GPC5: variants seen among roughly 807,000 people sequenced by gnomAD.
GPC5 encodes the protein glypican 5, also known as glypican-5.
A neutral mutation model predicts 53.9 loss-of-function variants in GPC5; 47 were observed. The observed-to-expected ratio is 0.87, with a 90% CI of 0.69 to 1.11. GPC5 has a LOEUF of 1.11. Among genes scored for constraint, GPC5 ranks in the 50% most tolerant of loss-of-function variants. The pLI, the probability that GPC5 is intolerant of heterozygous loss-of-function variation, is 0.00. For synonymous variants in GPC5, 286 were observed against 263.3 expected (o/e 1.09, Z -0.84); for missense variants, 748 against 713.1 (o/e 1.05, Z -0.56).
intron 7 of GPC5, among the ~76,000 whole-genome samples, chr13:92,673,492 C>A (rs1288991461): frequency 6.6e-6 from 1 of 152,022 alleles, no homozygotes; most frequent in East Asian, 1.9e-4. Flanking sequence ...CCATGTTGGC[C>A]AGGCTGGTCT....
chr13:92,234,776 C>T lies in GPC5; in HGVS notation c.1561+89787C>T, dbSNP rs148801093. On this transcript the variant is annotated intron_variant, in intron 7 of 7. Coordinates refer to ENST00000377067, the MANE Select transcript of GPC5 (RefSeq NM_004466.6). ...AGCACTTTTCTCAAAAGAATTCTTACGGCCTGGTGCAGGTGGAAGAGGAGG... is the reference window on the plus strand; with the variant it reads ...AGCACTTTTCTCAAAAGAATTCTTATGGCCTGGTGCAGGTGGAAGAGGAGG... 5.3e-4 allele frequency among the ~76,000 whole-genome samples: 80 copies of T among 152,212 alleles called. No homozygotes were observed. The East Asian group carries it at 8.5e-3, about 16-fold the overall frequency.
At chr13:91,487,546 G>C (rs1883683533) in intron 2 of GPC5, among the ~76,000 whole-genome samples, 1 of 152,150 alleles carries the variant, frequency 6.6e-6, no homozygotes, top group Non-Finnish European at 1.5e-5. Context: ...CCCCTTCCAA[G>C]ATCTGATCAC....
At chr13:92,037,550 T>C (rs1460359971) in intron 6 of GPC5, among the ~76,000 whole-genome samples, 1 of 152,192 alleles carries the variant, frequency 6.6e-6, no homozygotes, top group Non-Finnish European at 1.5e-5. Flanking sequence ...TTTGTTTGAT[T>C]TGCATTTACC....
At chr13:92,153,300 T>G (rs1488098282) in intron 7 of GPC5, among the ~76,000 whole-genome samples, 1 of 152,056 alleles carries the variant, frequency 6.6e-6, no homozygotes, top group Non-Finnish European at 1.5e-5. Context: ...AGCTAATTTT[T>G]GGGTTTTTTG....
intron 7 of GPC5, among the ~76,000 whole-genome samples, chr13:92,445,293 G>GTTTTTTTTTTT (rs547006896): frequency 7.7e-6 from 1 of 130,634 alleles, no homozygotes; most frequent in East Asian, 2.1e-4. Flanking sequence ...CTCTTTTTGT[G>GTTTTTTTTTTT]ATTTTTTTTG....
intron 5 of GPC5, among the ~76,000 whole-genome samples, chr13:91,904,786 T>A (rs1271270328): frequency 6.6e-6 from 1 of 151,976 alleles, no homozygotes; most frequent in Non-Finnish European, 1.5e-5. Context: ...AAGTCTGACC[T>A]AGAGTGAAGA....
chr13:91,897,192 T>A (rs1382086279), intron 5 of GPC5, among the ~76,000 whole-genome samples: 1 of 152,162 alleles, frequency 6.6e-6, no homozygotes, highest in Non-Finnish European at 1.5e-5. Context: ...CAAATTCCAA[T>A]ATTTTTTTAA....
At chr13:91,894,882 T>C (rs942998117) in intron 5 of GPC5, among the ~76,000 whole-genome samples, 1 of 152,058 alleles carries the variant, frequency 6.6e-6, no homozygotes, top group Non-Finnish European at 1.5e-5. Flanking sequence ...AAGACATGTC[T>C]CAGAGACGGA....
intron 7 of GPC5, among the ~76,000 whole-genome samples, chr13:92,618,723 G>T (rs1248976573): frequency 6.8e-6 from 1 of 146,080 alleles, no homozygotes; most frequent in African/African-American, 2.5e-5. Context: ...ACTAAATGAA[G>T]TTTAATATTC....
intron 2 of GPC5, among the ~76,000 whole-genome samples, chr13:91,650,750 G>GTTTTGTTTT (rs1555333961): frequency 5.0e-5 from 5 of 99,600 alleles, no homozygotes; most frequent in African/African-American, 2.0e-4. Flanking sequence ...ATTCCCATAA[G>GTTTTGTTTT]TTTTTTTTTT....
intron 6 of GPC5, among the ~76,000 whole-genome samples, chr13:92,020,543 T>G (rs577076853): frequency 7.9e-4 from 120 of 152,240 alleles, no homozygotes; most frequent in African/African-American, 2.8e-3. Context: ...TTGTGGTTTT[T>G]GGTTTCTCTG....
intron 7 of GPC5, among the ~76,000 whole-genome samples, chr13:92,274,431 A>G (rs921992642): frequency 1.3e-5 from 2 of 152,084 alleles, no homozygotes; most frequent in East Asian, 3.9e-4. Flanking sequence ...ATGCAAACAT[A>G]CCACCCTTCT....
chr13:92,401,422 G>A (rs55865932), intron 7 of GPC5, among the ~76,000 whole-genome samples: 10,759 of 151,778 alleles, frequency 0.071, 410 homozygotes, highest in Admixed American at 0.097. Flanking sequence ...ACTTCAATTC[G>A]ATAAAACCAC....
At chr13:92,034,271 G>A (rs2040876095) in intron 6 of GPC5, among the ~76,000 whole-genome samples, 1 of 152,118 alleles carries the variant, frequency 6.6e-6, no homozygotes, top group Admixed American at 6.6e-5. Context: ...TGAGGCGGGT[G>A]GATCACTTCA....
chr13:92,082,861 T>G (rs1024426631), intron 6 of GPC5, among the ~76,000 whole-genome samples: 1 of 152,174 alleles, frequency 6.6e-6, no homozygotes, highest in Non-Finnish European at 1.5e-5. Flanking sequence ...TAGCTAAAAG[T>G]AGATATTTAA....
chr13:92,577,941 T>G (rs1396748315), intron 7 of GPC5, among the ~76,000 whole-genome samples: 1 of 152,144 alleles, frequency 6.6e-6, no homozygotes. Flanking sequence ...ATGGATTATT[T>G]TAGGCTTTTT....
chr13:91,995,111 A>G (rs938567875), intron 6 of GPC5: 1 of 152,134 alleles, frequency 6.6e-6, no homozygotes, highest in Non-Finnish European at 1.5e-5. Flanking sequence ...AGCTGCGACT[A>G]CAGGCGCCCA....
rs1237744540 is a variant in GPC5, at chr13:91,606,564, G to A, written c.326-86623G>A. ...CCTCCTTGTACCTCTGGTAGAATTC[G>A]GCTGTGAATCCATCTGGTCCTGGAC... On this transcript the variant is annotated intron_variant, in intron 2 of 7. Transcript: ENST00000377067. 4.2e-3 allele frequency among the ~76,000 whole-genome samples: 622 copies of A among 148,084 alleles called. 5 individuals are homozygous for A. The highest frequency in any genetic ancestry group is 0.015 in the African/African-American group (585 of 40,130).
chr13:91,554,028 A>C (rs1379410156), intron 2 of GPC5, among the ~76,000 whole-genome samples: 1 of 152,004 alleles, frequency 6.6e-6, no homozygotes, highest in Non-Finnish European at 1.5e-5. Flanking sequence ...TCTACATTCA[A>C]ATTTAATACA....
Sources: gnomAD v4.1 joint callset for allele counts (sites outside exome capture counted in the v4.1 genomes callset) on GRCh38, gnomAD v4.1.1 for gene constraint, MANE v1.5 for transcripts, NCBI Gene and HGNC (gene_info 2026-07-23, HGNC 2026-07-21) for gene names.